ARHGEF4: variants seen among roughly 807,000 people sequenced by gnomAD.
ARHGEF4 encodes the protein APC-stimulated guanine nucleotide exchange factor 1.
In ARHGEF4, 119 loss-of-function variants were observed where a neutral mutation model predicts 162.0. That is an observed-to-expected ratio of 0.73 (90% CI 0.63 to 0.86). The LOEUF (loss-of-function observed/expected upper bound fraction) is 0.86, where lower values mean the gene tolerates loss of function less well. ARHGEF4 is among the 40% of genes least tolerant of loss of function. The pLI is 0.00. For missense variants in ARHGEF4, 2,488 were observed against 2,456.0 expected, an observed-to-expected ratio of 1.01 and a Z score of -0.28; for synonymous variants, 1,014 against 979.9, an observed-to-expected ratio of 1.03 and a Z score of -0.65.
At position 130,915,368 on chromosome 2, in the gene ARHGEF4, A is replaced by C; in HGVS notation, c.1422A>C (p.Gln474His). The part of the protein sequence containing the change: ...QSPESRTQEP[Q>H]GTQLAPRAAD... ...CAGAAAGCAGAACCCAGGAACCCCA[A>C]GGCACCCAACTCGCACCAAGAGCTG... Residue 474 changes from glutamine (Q) to histidine (H), a missense_variant, in exon 2 of 14, where the codon CAA becomes CAC. By Grantham distance (24) the Gln-to-His change is conservative. This residue lies in a region of ARHGEF4 where 1,642 missense variants were observed against 1,481.5 expected (regional missense o/e 1.11). Coordinates refer to ENST00000409359, the MANE Select transcript of ARHGEF4 (RefSeq NM_001367493.1). 1 of 1,550,670 alleles carries C rather than the reference A, an allele frequency of 6.4e-7. No individual in the cohort carries two copies. Among genetic ancestry groups the C allele is most frequent in the Non-Finnish European group, 8.7e-7 (1 of 1,147,018 alleles).
chr2:130,970,587 CAAAAAAAAA>C (rs57254908), intron 4 of ARHGEF4, among the ~76,000 whole-genome samples: 1 of 116,956 alleles, frequency 8.6e-6, no homozygotes, highest in Non-Finnish European at 1.8e-5. Context: ...GAAACTCCAT[CAAAAAAAAA>C]AAAAAAAAAA....
intron 1 of ARHGEF4, among the ~76,000 whole-genome samples, chr2:130,850,424 T>C (rs1468843445): frequency 5.9e-5 from 9 of 152,214 alleles, no homozygotes; most frequent in Non-Finnish European, 1.3e-4. Context: ...TTCTGGGAGC[T>C]GGCTCTGCTC....
At chr2:130,931,298 T>A (rs2105104175) in intron 3 of ARHGEF4, 41 bp downstream of exon 3, 2 of 1,532,292 alleles carry the variant, frequency 1.3e-6, no homozygotes, top group Middle Eastern at 3.6e-4. Context: ...CTTGGTCTGG[T>A]ATCCCCTTCT....
At chr2:130,988,024 C>G (rs1374487080) in intron 4 of ARHGEF4, among the ~76,000 whole-genome samples, 1 of 152,116 alleles carries the variant, frequency 6.6e-6, no homozygotes, top group Non-Finnish European at 1.5e-5. Flanking sequence ...AGGAAGATAA[C>G]ATGATTCCAA....
chr2:130,999,274 C>G (rs759353963), intron 4 of ARHGEF4, among the ~76,000 whole-genome samples: 3 of 151,518 alleles, frequency 2.0e-5, no homozygotes, highest in African/African-American at 4.9e-5. Context: ...CCTGACTCAG[C>G]CTTCCAACTA....
At position 130,988,887 on chromosome 2, in the gene ARHGEF4, TATATATATATATATAGAGAGAGAGAG is replaced by T. The variant is rs1307198019; in HGVS notation, c.3986-39056_3986-39031del. ...GTGTGTGTGTGTATATATATATATA[TATATATATATATATAGAGAGAGAGAG>T]AGAGAGAGAGAGAGAGAGAGAGAAA... On this transcript the variant is annotated intron_variant, in intron 4 of 13. Coordinates refer to ENST00000409359, the MANE Select transcript of ARHGEF4 (RefSeq NM_001367493.1). Among the ~76,000 whole-genome samples, 147 of 113,080 alleles carry T rather than the reference TATATATATATATATAGAGAGAGAGAG, an allele frequency of 1.3e-3. 1 individual carries two copies. In the South Asian group the frequency reaches 0.026, roughly 20 times the overall value. The allele number at this position is 113,080 out of a possible 152,430, so 74.2% of individuals were successfully genotyped here. A position where few individuals can be genotyped will look rare whatever the true frequency, so the allele number is the denominator to read the frequency against.
intron 4 of ARHGEF4, among the ~76,000 whole-genome samples, chr2:130,970,560 G>C (rs940682310): frequency 4.2e-5 from 6 of 141,796 alleles, no homozygotes; most frequent in Admixed American, 1.5e-4. Context: ...TTGCACTTCT[G>C]CCTGGGCAAC....
chr2:130,954,255 G>C (rs546130647), intron 4 of ARHGEF4, among the ~76,000 whole-genome samples: 13 of 152,298 alleles, frequency 8.5e-5, no homozygotes, highest in African/African-American at 2.9e-4. Flanking sequence ...CCTTTGCAGG[G>C]TCATGGATGA....
chr2:130,953,531 G>C (rs957411749), intron 4 of ARHGEF4, among the ~76,000 whole-genome samples: 1 of 152,168 alleles, frequency 6.6e-6, no homozygotes, highest in South Asian at 2.1e-4. Flanking sequence ...AAAAGTAATG[G>C]CAACAAAAGC....
chr2:131,036,200 G>A (rs1345762843), intron 5 of ARHGEF4, among the ~76,000 whole-genome samples: 2 of 152,222 alleles, frequency 1.3e-5, no homozygotes, highest in East Asian at 1.9e-4. Context: ...CAATAGCATC[G>A]GAGGTGGAGC....
At chr2:130,894,524 T>A (rs1281778114) in intron 1 of ARHGEF4, among the ~76,000 whole-genome samples, 1 of 152,166 alleles carries the variant, frequency 6.6e-6, no homozygotes, top group Non-Finnish European at 1.5e-5. Context: ...GGCGAGGGTG[T>A]GGTCCTGCCA....
chr2:130,963,445 G>A (rs114722043), intron 4 of ARHGEF4, among the ~76,000 whole-genome samples: 4,827 of 152,124 alleles, frequency 0.032, 121 homozygotes, highest in Non-Finnish European at 0.046. Context: ...GCCGCCAACC[G>A]TCTGAGCTGG....
intron 3 of ARHGEF4, among the ~76,000 whole-genome samples, chr2:130,939,439 C>T (rs1683153946): frequency 6.6e-6 from 1 of 152,136 alleles, no homozygotes; most frequent in Non-Finnish European, 1.5e-5. Context: ...TTGGTACTGT[C>T]GATCCATGTG....
At chr2:130,909,679 T>G (rs1278062808) in intron 1 of ARHGEF4, among the ~76,000 whole-genome samples, 2 of 151,498 alleles carry the variant, frequency 1.3e-5, no homozygotes, top group Non-Finnish European at 2.9e-5. Context: ...TAAATAGCAG[T>G]AATACAAAGA....
intron 1 of ARHGEF4, among the ~76,000 whole-genome samples, chr2:130,911,830 G>C (rs187283243): frequency 6.6e-6 from 1 of 152,328 alleles, no homozygotes; most frequent in East Asian, 1.9e-4. Flanking sequence ...GCGATGCTGG[G>C]CAGGGAGGGC....
At chr2:130,944,519 G>A (rs1392406233) in intron 3 of ARHGEF4, among the ~76,000 whole-genome samples, 1 of 152,046 alleles carries the variant, frequency 6.6e-6, no homozygotes, top group Non-Finnish European at 1.5e-5. Flanking sequence ...CATGCTTACT[G>A]ATTCTTTCCT....
intron 1 of ARHGEF4, among the ~76,000 whole-genome samples, chr2:130,886,676 GTC>G (rs1679547783): frequency 7.3e-6 from 1 of 137,164 alleles, no homozygotes; most frequent in South Asian, 2.3e-4. Flanking sequence ...CCGAGACTCT[GTC>G]TCAAAAAAAA....
At position 131,041,216 on chromosome 2, in the gene ARHGEF4, G is replaced by A. The variant is rs776541125; in HGVS notation, c.4663-14G>A. On this transcript the variant is annotated splice_polypyrimidine_tract_variant and intron_variant, in intron 8 of 13. Coordinates refer to ENST00000409359, the MANE Select transcript of ARHGEF4 (RefSeq NM_001367493.1). ...CAGCAGAGAGCTCTGCTAACCTCCA[G>A]CTGTGCCCCTTAGCAAGCCGACTTC... The A allele has an allele frequency of 1.9e-6, 3 of 1,609,560 alleles. No individual in the cohort carries two copies. Among genetic ancestry groups the A allele is most frequent in the South Asian group, 1.1e-5 (1 of 90,472 alleles).
intron 3 of ARHGEF4, 24 bp downstream of exon 3, chr2:130,931,281 C>T (rs751852067): frequency 6.4e-7 from 1 of 1,571,202 alleles, no homozygotes; most frequent in South Asian, 1.2e-5. Context: ...GGCCAGGAGT[C>T]CTCAGACTTG....
Sources: allele counts gnomAD v4.1 joint callset (sites outside exome capture counted in the v4.1 genomes callset), GRCh38; gene constraint gnomAD v4.1.1; regional missense constraint gnomAD v4.1.1; transcripts MANE v1.5; gene names NCBI Gene and HGNC (gene_info 2026-07-23, HGNC 2026-07-21).